The following VMP1 variants were observed in gnomAD, a reference collection of about 807,000 sequenced individuals.
The protein encoded by VMP1 is vacuole membrane protein 1.
Under a neutral mutation model 56.0 loss-of-function variants are expected in VMP1, and 11 were observed. That is an observed-to-expected ratio of 0.20 (90% CI 0.12 to 0.32). VMP1 has a LOEUF of 0.32. Ranked by LOEUF, VMP1 falls within the 10% of genes least tolerant of loss-of-function variation. VMP1 has a pLI of 1.00. For synonymous variants in VMP1, 149 were observed against 165.0 expected, an observed-to-expected ratio of 0.90 and a Z score of 0.74; for missense variants, 296 against 490.3, an observed-to-expected ratio of 0.60 and a Z score of 3.74.
Position 59,735,484 on chromosome 17 carries a change from T to C in VMP1, c.212+11T>C. ...GGAATGGACCTCAAAGTAAAGAGTC[T>C]TCTCCCACTACCTTTTACATACACC... On this transcript the variant is annotated intron_variant, in intron 3 of 11. Transcript: ENST00000262291. 1 of 1,613,760 alleles carries C rather than the reference T, an allele frequency of 6.2e-7. No individual in the cohort carries two copies. Among genetic ancestry groups the C allele is most frequent in the Non-Finnish European group, 8.5e-7 (1 of 1,179,886 alleles).
intron 6 of VMP1, among the ~76,000 whole-genome samples, chr17:59,772,950 CTTTTTTTTTTTTTTTTT>C (rs1179269248): frequency 3.6e-5 from 2 of 55,676 alleles, no homozygotes; most frequent in Non-Finnish European, 6.1e-5. Context: ...CTGGTGAATT[CTTTTTTTTTTTTTTTTT>C]TTTTTTTTTT....
chr17:59,792,209 C>T (rs2037256792), intron 7 of VMP1, among the ~76,000 whole-genome samples: 1 of 152,030 alleles, frequency 6.6e-6, no homozygotes, highest in South Asian at 2.1e-4. Context: ...CCCGAGAGGT[C>T]ATGATTGTAA....
chr17:59,801,530 A>G (rs2037663737), intron 7 of VMP1, among the ~76,000 whole-genome samples: 1 of 152,024 alleles, frequency 6.6e-6, no homozygotes, highest in Non-Finnish European at 1.5e-5. Context: ...TTGGGATTAT[A>G]GGCATGAGCC....
rs774858546 is a variant in VMP1, at chr17:59,839,926, A to G, written c.*15A>G. The G allele has an allele frequency of 1.9e-6, 3 of 1,607,962 alleles. No homozygotes were observed. The highest frequency in any genetic ancestry group is 2.2e-5 in the South Asian group (2 of 89,572). On this transcript the variant is annotated 3_prime_UTR_variant, in exon 12 of 12. Coordinates refer to ENST00000262291, the MANE Select transcript of VMP1 (RefSeq NM_030938.5). ...AAACTAAATAAGTAGAGAAAGTTTT[A>G]AACTGCAGAAATTGGAGTGGATGGG...
At chr17:59,774,379 C>T (rs2144038213) in intron 7 of VMP1, among the ~76,000 whole-genome samples, 1 of 151,520 alleles carries the variant, frequency 6.6e-6, no homozygotes, top group East Asian at 2.0e-4. Context: ...GATCATCCCA[C>T]TGTACTCTGG....
chr17:59,725,247 G>C (rs1360556667), intron 1 of VMP1, among the ~76,000 whole-genome samples: 1 of 152,148 alleles, frequency 6.6e-6, no homozygotes, highest in Non-Finnish European at 1.5e-5. Flanking sequence ...CTTTGTAATT[G>C]TGTGATTTTC....
chr17:59,774,000 A>AAT, intron 7 of VMP1, 115 bp downstream of exon 7: 1 of 1,078,942 alleles, frequency 9.3e-7, no homozygotes, highest in Non-Finnish European at 1.2e-6. Context: ...AAAAAAAAAA[A>AAT]AAGAAAGAAA....
intron 7 of VMP1, among the ~76,000 whole-genome samples, chr17:59,785,909 T>A (rs1196413771): frequency 2.6e-5 from 4 of 152,104 alleles, no homozygotes; most frequent in African/African-American, 9.7e-5. Context: ...TAATTAATAA[T>A]CAATAATTGC....
intron 1 of VMP1, among the ~76,000 whole-genome samples, chr17:59,712,713 T>C (rs1440572102): frequency 2.6e-5 from 4 of 152,196 alleles, no homozygotes; most frequent in Non-Finnish European, 5.9e-5. Context: ...ATAGGAAATA[T>C]ATACAGGATC....
At chr17:59,718,851 A>C (rs2034277368) in intron 1 of VMP1, among the ~76,000 whole-genome samples, 1 of 152,062 alleles carries the variant, frequency 6.6e-6, no homozygotes, top group Non-Finnish European at 1.5e-5. Flanking sequence ...AAGACCTTAG[A>C]AAGTTGAAAA....
chr17:59,735,613 A>G, intron 3 of VMP1, 140 bp downstream of exon 3: 1 of 910,358 alleles, frequency 1.1e-6, no homozygotes, highest in Non-Finnish European at 1.6e-6. Flanking sequence ...GAACATATTT[A>G]TTCTCCTTTC....
At chr17:59,802,419 G>A (rs1047148629) in intron 7 of VMP1, among the ~76,000 whole-genome samples, 15 of 151,456 alleles carry the variant, frequency 9.9e-5, no homozygotes, top group African/African-American at 2.7e-4. Flanking sequence ...CAATGAAATC[G>A]CCTAACAACT....
intron 1 of VMP1, among the ~76,000 whole-genome samples, chr17:59,731,212 T>C (rs921500139): frequency 2.0e-5 from 3 of 152,218 alleles, no homozygotes; most frequent in African/African-American, 7.2e-5. Context: ...TTTTATATTT[T>C]TACTATTTGT....
chr17:59,806,365 C>T (rs1478533710), intron 7 of VMP1, among the ~76,000 whole-genome samples: 1 of 152,024 alleles, frequency 6.6e-6, no homozygotes, highest in Non-Finnish European at 1.5e-5. Context: ...AAAAAATTAA[C>T]CTTCAGCTAG....
chr17:59,826,445 T>C (rs1167534065), intron 10 of VMP1, among the ~76,000 whole-genome samples: 1 of 152,230 alleles, frequency 6.6e-6, no homozygotes, highest in East Asian at 1.9e-4. Flanking sequence ...GTCTGACACA[T>C]TTTAATTGTT....
intron 5 of VMP1, among the ~76,000 whole-genome samples, chr17:59,753,400 C>T (rs2035725850): frequency 6.6e-6 from 1 of 152,046 alleles, no homozygotes; most frequent in African/African-American, 2.4e-5. Flanking sequence ...ACCAGGTTAA[C>T]AAAAACAGGA....
chr17:59,797,210 C>T (rs751914988), intron 7 of VMP1, among the ~76,000 whole-genome samples: 8 of 150,406 alleles, frequency 5.3e-5, no homozygotes, highest in South Asian at 2.1e-4. Context: ...TTGTGGCACA[C>T]GCCTGTAGTC....
At position 59,830,736 on chromosome 17, in the gene VMP1, G is replaced by A. The variant is rs933758154; in HGVS notation, c.975-7559G>A. Among the ~76,000 whole-genome samples the A allele has an allele frequency of 5.9e-5, 9 of 152,294 alleles. No homozygotes were observed. In the South Asian group the frequency reaches 6.2e-4, roughly 11 times the overall value. ...ATAAAAAATTTACTTTATTAATGCT[G>A]GTAAAATATTCTTAGGCTTAGAGAC... On this transcript the variant is annotated intron_variant, in intron 10 of 11. Transcript: ENST00000262291.
intron 5 of VMP1, among the ~76,000 whole-genome samples, chr17:59,744,924 T>C (rs2035369575): frequency 6.6e-6 from 1 of 152,004 alleles, no homozygotes. Flanking sequence ...ACAAAAGATA[T>C]CACTAGTCTT....
Sources: allele counts gnomAD v4.1 joint callset (sites outside exome capture counted in the v4.1 genomes callset), GRCh38; gene constraint gnomAD v4.1.1; transcripts MANE v1.5; gene names NCBI Gene and HGNC (gene_info 2026-07-23, HGNC 2026-07-21).